Variants in DAPK3 observed in about 807,000 individuals in gnomAD.
DAPK3 encodes death associated protein kinase 3, also known as death-associated protein kinase 3.
A neutral mutation model predicts 30.6 loss-of-function variants in DAPK3; 24 were observed. The ratio of observed to expected loss-of-function variants is 0.78; its 90% CI spans 0.57 to 1.10. The LOEUF (loss-of-function observed/expected upper bound fraction) is 1.10, where lower values mean the gene tolerates loss of function less well. Among genes scored for constraint, DAPK3 ranks in the 50% least tolerant of loss-of-function variants. The pLI is 0.00. For missense variants in DAPK3, 629 were observed against 657.3 expected, an observed-to-expected ratio of 0.96 and a Z score of 0.47; for synonymous variants, 341 against 284.0, an observed-to-expected ratio of 1.20 and a Z score of -2.02.
At chr19:3,959,868 C>T (rs1352520560) in intron 8 of DAPK3, 191 bp downstream of exon 8, 1 of 640,560 alleles carries the variant, frequency 1.6e-6, no homozygotes, top group Non-Finnish European at 2.7e-6. Flanking sequence ...AGGATGCCAC[C>T]AGGTCTGTCG....
chr19:3,958,946 A>C lies in DAPK3; in HGVS notation c.*155T>G. 2 of 589,928 alleles carry C rather than the reference A, an allele frequency of 3.4e-6. No homozygotes were observed. Among genetic ancestry groups the C allele is most frequent in the Non-Finnish European group, 5.9e-6 (2 of 337,106 alleles). 36.5% of individuals were successfully genotyped at this position (589,928 alleles called of 1,614,324 possible). On this transcript the variant is annotated 3_prime_UTR_variant, in exon 9 of 9. Transcript: ENST00000545797. ...CACACCCACCCCTGCCTGCGAACTTACGGGCCTGGCTCCAGCTCCTCCCAC... is the reference window on the plus strand; with the variant it reads ...CACACCCACCCCTGCCTGCGAACTTCCGGGCCTGGCTCCAGCTCCTCCCAC...
chr19:3,960,037 GCTCCCCCAC>G lies in DAPK3; in HGVS notation c.828+13_828+21del. The G allele has an allele frequency of 7.2e-7, 1 of 1,395,888 alleles. No homozygotes were observed. The highest frequency in any genetic ancestry group is 1.0e-6 in the Non-Finnish European group (1 of 981,928). 86.5% of individuals were successfully genotyped at this position (1,395,888 alleles called of 1,614,324 possible). On this transcript the variant is annotated intron_variant, in intron 8 of 8. Coordinates refer to ENST00000545797, the MANE Select transcript of DAPK3 (RefSeq NM_001348.3). ...AAGGCCAAGGCGGGAAGCCCAGGGA[GCTCCCCCAC>G]CTCCCCACTTACCTTAATCCAGGAA... is the stretch of plus-strand genomic sequence containing the variant.
At chr19:3,960,013 A>C (rs2039490160) in intron 8 of DAPK3, 46 bp downstream of exon 8, 1 of 1,078,182 alleles carries the variant, frequency 9.3e-7, no homozygotes, top group Non-Finnish European at 1.4e-6. Context: ...CCCAGCGAGA[A>C]GGCCAAGGCG....
chr19:3,960,922 C>G, intron 7 of DAPK3, 87 bp downstream of exon 7: 1 of 1,438,314 alleles, frequency 7.0e-7, no homozygotes, highest in Non-Finnish European at 9.6e-7. Context: ...GGAGGTGGCG[C>G]TGGGAGGAGA....
At chr19:3,965,325 G>A (rs773899988) in intron 2 of DAPK3, among the ~76,000 whole-genome samples, 1 of 152,170 alleles carries the variant, frequency 6.6e-6, no homozygotes, top group Admixed American at 6.5e-5. Flanking sequence ...TATCAAGAGG[G>A]AACTGAGGGG....
chr19:3,958,750 C>T lies in DAPK3; in HGVS notation c.*351G>A, dbSNP rs1461986575. 7.3e-6 allele frequency: 3 copies of T among 411,972 alleles called. No individual in the cohort carries two copies. Among genetic ancestry groups the T allele is most frequent in the African/African-American group, 2.1e-5 (1 of 48,278 alleles). The allele number at this position is 411,972 out of a possible 1,614,324, so 25.5% of individuals were successfully genotyped here. A position where few individuals can be genotyped will look rare whatever the true frequency, so the allele number is the denominator to read the frequency against. On this transcript the variant is annotated 3_prime_UTR_variant, in exon 9 of 9. Transcript: ENST00000545797. ...AATTGTCCGTGCAACTACCCGCAAA[C>T]CCTCCTCCGGGCCTGAACCAGGGCT...
intron 1 of DAPK3, chr19:3,970,604 C>T (rs1179632400): frequency 6.6e-6 from 1 of 152,560 alleles, no homozygotes; most frequent in East Asian, 1.9e-4. Context: ...CTCCACTGTC[C>T]TCGCAAGATT....
chr19:3,963,629 C>G lies in DAPK3; in HGVS notation c.629+14G>C. 1.3e-6 allele frequency: 2 copies of G among 1,511,252 alleles called. No homozygotes were observed. Among genetic ancestry groups the G allele is most frequent in the Non-Finnish European group, 1.8e-6 (2 of 1,129,966 alleles). 93.6% of individuals were successfully genotyped at this position (1,511,252 alleles called of 1,614,324 possible). On this transcript the variant is annotated intron_variant, in intron 6 of 8. Coordinates refer to ENST00000545797, the MANE Select transcript of DAPK3 (RefSeq NM_001348.3). Reference sequence around the variant, plus strand: ...TGTGTTGCACAGCCGAGGGGGCCCCCGCCAGGTACTCACAGGATATAGGTG... The same window carrying G: ...TGTGTTGCACAGCCGAGGGGGCCCCGGCCAGGTACTCACAGGATATAGGTG...
rs187459783 is a variant in DAPK3 at position 3,960,511 on chromosome 19, G to A, written c.783-407C>T. 4.7e-3 allele frequency among the ~76,000 whole-genome samples: 709 copies of A among 152,200 alleles called. 8 individuals are homozygous for A. The highest frequency in any genetic ancestry group is 0.02 in the Middle Eastern group (6 of 294). On this transcript the variant is annotated intron_variant, in intron 7 of 8. Transcript: ENST00000545797. ...CAAGCAGCCAGACACGGTGTCTCAC[G>A]CCCGCAATCCCAGCACTTTGGGAGA...
intron 5 of DAPK3, 50 bp downstream of exon 5, chr19:3,963,821 T>C (rs1163664210): frequency 1.5e-6 from 2 of 1,353,122 alleles, no homozygotes; most frequent in East Asian, 2.4e-5. Flanking sequence ...AGCACTGGCC[T>C]GCGCTCCAGG....
chr19:3,965,040 A>C (rs760163930), intron 2 of DAPK3, 49 bp from the exon 3 acceptor site: 1 of 1,022,556 alleles, frequency 9.8e-7, no homozygotes, highest in East Asian at 2.4e-5. Context: ...CGGAGGGAGT[A>C]AGTGGGGGTG....
chr19:3,960,987 G>T, intron 7 of DAPK3, 22 bp downstream of exon 7: 1 of 1,611,356 alleles, frequency 6.2e-7, no homozygotes, highest in Non-Finnish European at 8.5e-7. Context: ...CCCACCCCGT[G>T]CCCCCTGCCG....
chr19:3,967,429 G>A (rs557422051), intron 2 of DAPK3, among the ~76,000 whole-genome samples: 1 of 150,740 alleles, frequency 6.6e-6, no homozygotes, highest in Admixed American at 6.6e-5. Flanking sequence ...CTCCAGCCCG[G>A]GCGACACTGC....
Position 3,964,386 on chromosome 19 carries a change from G to A in DAPK3, c.424-13C>T, listed in dbSNP as rs1183412130. 6.2e-7 allele frequency: 1 copy of A among 1,609,122 alleles called. No homozygotes were observed. The highest frequency in any genetic ancestry group is 8.5e-7 in the Non-Finnish European group (1 of 1,176,542). Reference sequence around the variant, plus strand: ...TGATGTTTTCCGGCTGGGGTGGGAGGAGGCTCAGCAGGGAAAGCACGGGCC... The same window carrying A: ...TGATGTTTTCCGGCTGGGGTGGGAGAAGGCTCAGCAGGGAAAGCACGGGCC... On this transcript the variant is annotated splice_polypyrimidine_tract_variant and intron_variant, in intron 3 of 8. Coordinates refer to ENST00000545797, the MANE Select transcript of DAPK3 (RefSeq NM_001348.3).
chr19:3,968,922 G>A (rs2039606944), intron 2 of DAPK3, among the ~76,000 whole-genome samples: 1 of 152,192 alleles, frequency 6.6e-6, no homozygotes, highest in African/African-American at 2.4e-5. Context: ...GGAGGGGGTG[G>A]GGCCCCAGGG....
rs1002899917 is a variant in DAPK3 at position 3,958,476 on chromosome 19, T to G, written c.*625A>C. 2.2e-6 allele frequency: 1 copy of G among 456,296 alleles called. No individual in the cohort carries two copies. The highest frequency in any genetic ancestry group is 1.5e-5 in the South Asian group (1 of 64,576). 28.3% of individuals were successfully genotyped at this position (456,296 alleles called of 1,614,324 possible). A position where few individuals can be genotyped will look rare whatever the true frequency, so the allele number is the denominator to read the frequency against. On this transcript the variant is annotated 3_prime_UTR_variant, in exon 9 of 9. Transcript: ENST00000545797. ...CGTATCTGGAAGCCAGTATTTTATT[T>G]CTCTTGGCTGCAGAGGGCCGCTCTT...
At chr19:3,959,931 C>G (rs1483142222) in intron 8 of DAPK3, 128 bp downstream of exon 8, 1 of 748,606 alleles carries the variant, frequency 1.3e-6, no homozygotes, top group Non-Finnish European at 2.4e-6. Flanking sequence ...AGGCTCACTC[C>G]TCTGGGGACC....
chr19:3,961,122 C>T lies in DAPK3; in HGVS notation c.669G>A (p.Gln223=), dbSNP rs1450801502. 6.2e-7 allele frequency: 1 copy of T among 1,613,292 alleles called. No homozygotes were observed. Among genetic ancestry groups the T allele is most frequent in the East Asian group, 2.2e-5 (1 of 44,786 alleles). Residue 223 remains glutamine, a synonymous_variant, in exon 7 of 9, where the codon CAG becomes CAA. Coordinates refer to ENST00000545797, the MANE Select transcript of DAPK3 (RefSeq NM_001348.3). ...GASPFLGETK[Q]ETLTNISAVN... is the part of the protein sequence containing the mutation. Reference sequence around the variant, plus strand: ...CGGCTGAGATGTTGGTGAGCGTCTCCTGCTTGGTCTCGCCCAGGAACGGGG... The same window carrying T: ...CGGCTGAGATGTTGGTGAGCGTCTCTTGCTTGGTCTCGCCCAGGAACGGGG...
intron 2 of DAPK3, among the ~76,000 whole-genome samples, chr19:3,967,048 A>G (rs895823038): frequency 6.6e-6 from 1 of 152,174 alleles, no homozygotes. Flanking sequence ...TGATGGTCTC[A>G]GGTGTCACTC....
Sources: gnomAD v4.1 joint callset for allele counts (sites outside exome capture counted in the v4.1 genomes callset) on GRCh38, gnomAD v4.1.1 for gene constraint, MANE v1.5 for transcripts, NCBI Gene and HGNC (gene_info 2026-07-23, HGNC 2026-07-21) for gene names.